The following CSMD2 variants were observed in gnomAD, a reference collection of about 807,000 sequenced individuals.
CSMD2 encodes CUB and sushi domain-containing protein 2.
CSMD2 carries 130 observed loss-of-function variants against 398.5 expected under a neutral mutation model. The ratio of observed to expected loss-of-function variants is 0.33; its 90% CI spans 0.28 to 0.38. The LOEUF (loss-of-function observed/expected upper bound fraction) is 0.38, where lower values mean the gene tolerates loss of function less well. Among genes scored for constraint, CSMD2 ranks in the 10% least tolerant of loss-of-function variants. The probability of loss-of-function intolerance (pLI) is 1.00; values close to 1 mark genes in which losing one functional copy is unlikely to be tolerated. For synonymous variants in CSMD2, 1,828 were observed against 1,908.5 expected (o/e 0.96, Z 1.10); for missense variants, 3,829 against 4,764.9 (o/e 0.80, Z 5.78).
intron 6 of CSMD2, among the ~76,000 whole-genome samples, chr1:33,844,547 A>G (rs1348165183): frequency 6.6e-6 from 1 of 152,210 alleles, no homozygotes; most frequent in Admixed American, 6.5e-5. Flanking sequence ...AAACACTAGA[A>G]AAAGCAGGTT....
At chr1:33,823,245 C>A (rs1239282245) in intron 7 of CSMD2, among the ~76,000 whole-genome samples, 1 of 152,226 alleles carries the variant, frequency 6.6e-6, no homozygotes, top group Non-Finnish European at 1.5e-5. Context: ...GCGGCTTATA[C>A]CCAGCCAGTG....
At chr1:34,026,056 G>A (rs1217473085) in intron 3 of CSMD2, among the ~76,000 whole-genome samples, 4 of 152,190 alleles carry the variant, frequency 2.6e-5, no homozygotes, top group African/African-American at 9.6e-5. Flanking sequence ...TTTATCAAGC[G>A]CTGACAATTT....
chr1:33,652,533 C>T lies in CSMD2; in HGVS notation c.4448-72G>A, dbSNP rs188736340. ...CTCATTTTCATGGGTGTTGCTAATG[C>T]ACTATTGAGAGAGGAGAGGCTGAGG... On this transcript the variant is annotated intron_variant, in intron 27 of 70. Transcript: ENST00000373381. The T allele has an allele frequency of 1.6e-4, 255 of 1,563,532 alleles. 2 individuals carry two copies. In the East Asian group the frequency reaches 5.6e-3, roughly 35 times the overall value.
chr1:33,645,043 G>A (rs186515291), intron 29 of CSMD2, among the ~76,000 whole-genome samples: 26 of 152,236 alleles, frequency 1.7e-4, no homozygotes, highest in African/African-American at 6.0e-4. Context: ...TTAGGCTGGT[G>A]CTGGCAGTGG....
At chr1:33,728,479 C>T (rs979267694) in intron 15 of CSMD2, among the ~76,000 whole-genome samples, 12 of 152,006 alleles carry the variant, frequency 7.9e-5, no homozygotes, top group Non-Finnish European at 1.2e-4. Context: ...ACTTACTATG[C>T]TAATTGCTAC....
At chr1:34,142,029 G>A (rs139642266) in intron 1 of CSMD2, among the ~76,000 whole-genome samples, 2 of 152,244 alleles carry the variant, frequency 1.3e-5, no homozygotes, top group African/African-American at 4.8e-5. Flanking sequence ...GCTCTGATGT[G>A]CCTCCCTCAT....
intron 2 of CSMD2, among the ~76,000 whole-genome samples, chr1:34,036,827 C>T (rs1261050394): frequency 6.6e-6 from 1 of 152,186 alleles, no homozygotes; most frequent in Non-Finnish European, 1.5e-5. Context: ...CTGATTAGCT[C>T]CAGTCTTGAG....
intron 62 of CSMD2, among the ~76,000 whole-genome samples, chr1:33,534,717 T>C (rs1655599043): frequency 6.6e-6 from 1 of 152,230 alleles, no homozygotes; most frequent in Non-Finnish European, 1.5e-5. Flanking sequence ...TCCACTCCCT[T>C]CTTCCATGCT....
chr1:33,806,267 C>T (rs6661842), intron 10 of CSMD2, among the ~76,000 whole-genome samples: 69,026 of 152,018 alleles, frequency 0.45, 17,028 homozygotes, highest in East Asian at 0.65. Context: ...ACTGAGTAGA[C>T]AAGAAAAATG....
chr1:33,595,557 G>T (rs1012942404), intron 44 of CSMD2, among the ~76,000 whole-genome samples: 1 of 152,142 alleles, frequency 6.6e-6, no homozygotes, highest in African/African-American at 2.4e-5. Context: ...TTTAATGTCT[G>T]CGTGGATATA....
chr1:33,819,620 G>A, intron 9 of CSMD2, 93 bp downstream of exon 9: 2 of 1,188,822 alleles, frequency 1.7e-6, no homozygotes, highest in East Asian at 2.5e-5. Flanking sequence ...CAGTCTGCTT[G>A]AGAGCCTGGG....
chr1:33,605,712 G>A (rs908807627), intron 41 of CSMD2: 88 of 757,122 alleles, frequency 1.2e-4, no homozygotes, highest in Non-Finnish European at 1.6e-4. Flanking sequence ...CTGGCACATG[G>A]TGAAAGCTCA....
At chr1:33,778,741 T>A (rs575364930) in intron 12 of CSMD2, among the ~76,000 whole-genome samples, 12 of 152,220 alleles carry the variant, frequency 7.9e-5, no homozygotes, top group African/African-American at 2.4e-4. Flanking sequence ...ATAATTCCAA[T>A]ACAAATGACC....
At chr1:33,631,254 T>C (rs1205330831) in intron 32 of CSMD2, among the ~76,000 whole-genome samples, 1 of 152,144 alleles carries the variant, frequency 6.6e-6, no homozygotes, top group Non-Finnish European at 1.5e-5. Flanking sequence ...TAGTACATTA[T>C]ATACATTGTG....
chr1:33,658,003 T>C lies in CSMD2; in HGVS notation c.4390A>G (p.Ser1464Gly), dbSNP rs749083590. The C allele has an allele frequency of 2.0e-5, 32 of 1,614,102 alleles. No homozygotes were observed. Among genetic ancestry groups the C allele is most frequent in the Non-Finnish European group, 2.5e-5 (29 of 1,180,038 alleles). ...AACCTGTTCTCGATCTTCACACAGC[T>C]GATCTCTGCACTTCCCTGCAGCGCG... ...GYALQGSAEI[S>G]CVKIENRFFW... The change falls in exon 27 of 71, where the codon AGC (serine) becomes GGC (glycine). Residue 1464 changes from serine (S) to glycine (G), a missense_variant. By Grantham distance (56) the Ser-to-Gly change is moderately conservative. Coordinates refer to ENST00000373381, the MANE Select transcript of CSMD2 (RefSeq NM_001281956.2).
At chr1:33,524,442 A>G (rs1654591592) in intron 66 of CSMD2, among the ~76,000 whole-genome samples, 1 of 152,224 alleles carries the variant, frequency 6.6e-6, no homozygotes, top group Non-Finnish European at 1.5e-5. Flanking sequence ...TTTGGCGTTC[A>G]TGGCTGAACC....
chr1:33,953,081 C>A (rs1301429363), intron 3 of CSMD2, among the ~76,000 whole-genome samples: 2 of 152,228 alleles, frequency 1.3e-5, no homozygotes, highest in Non-Finnish European at 2.9e-5. Context: ...CTTTCCTAGA[C>A]CTCCCTGCAG....
At chr1:33,860,028 G>A (rs1041462913) in intron 5 of CSMD2, among the ~76,000 whole-genome samples, 1 of 152,132 alleles carries the variant, frequency 6.6e-6, no homozygotes, top group Non-Finnish European at 1.5e-5. Context: ...CCTTCACCCC[G>A]ATTCCCTAAT....
At chr1:33,532,986 C>T in intron 64 of CSMD2, 64 bp downstream of exon 64, 1 of 1,444,232 alleles carries the variant, frequency 6.9e-7, no homozygotes, top group Non-Finnish European at 9.3e-7. Context: ...CCTCTTTCAG[C>T]TCAAGTTCAG....
Sources: allele counts gnomAD v4.1 joint callset (sites outside exome capture counted in the v4.1 genomes callset), GRCh38; gene constraint gnomAD v4.1.1; transcripts MANE v1.5; gene names NCBI Gene and HGNC (gene_info 2026-07-23, HGNC 2026-07-21).